The following LY9 variants were observed in gnomAD, a reference collection of about 807,000 sequenced individuals.
The protein encoded by LY9 is lymphocyte antigen 9.
In LY9, 59 loss-of-function variants were observed where a neutral mutation model predicts 64.6. The ratio of observed to expected loss-of-function variants is 0.91; its 90% CI spans 0.74 to 1.13. The LOEUF is 1.13. Ranked by LOEUF, LY9 falls within the 50% of genes most tolerant of loss-of-function variation. The pLI is 0.00. For missense variants in LY9, 789 were observed against 797.2 expected (o/e 0.99, Z 0.12); for synonymous variants, 281 against 308.5 (o/e 0.91, Z 0.93).
intron 7 of LY9, among the ~76,000 whole-genome samples, chr1:160,823,244 C>A (rs745774055): frequency 2.6e-5 from 4 of 152,144 alleles, no homozygotes; most frequent in Non-Finnish European, 5.9e-5. Context: ...TATCACATGT[C>A]ATATTTAATA....
chr1:160,819,823 AAG>A (rs1668254094), intron 7 of LY9, among the ~76,000 whole-genome samples: 1 of 129,910 alleles, frequency 7.7e-6, no homozygotes, highest in South Asian at 2.8e-4. Context: ...AAGAGAAAGA[AAG>A]AGAGAGAAAG....
chr1:160,817,754 A>G (rs1668070513), intron 5 of LY9, among the ~76,000 whole-genome samples: 1 of 152,202 alleles, frequency 6.6e-6, no homozygotes, highest in Admixed American at 6.5e-5. Context: ...TCGAACCCTG[A>G]GCTCTATCTT....
intron 2 of LY9, among the ~76,000 whole-genome samples, chr1:160,805,400 C>T (rs1666882115): frequency 1.3e-5 from 2 of 151,660 alleles, no homozygotes; most frequent in Admixed American, 6.6e-5. Context: ...GTATTTGTAT[C>T]ATTTCCAAAG....
In LY9 at chr1:160,828,079, C is replaced by G; in HGVS notation, c.*263C>G. ...TCACCTCGCACACTTATAGCGTTTC[C>G]TCCTCGAAATTCTACCAAGACTGGT... On this transcript the variant is annotated 3_prime_UTR_variant, in exon 10 of 10. Coordinates refer to ENST00000263285, the MANE Select transcript of LY9 (RefSeq NM_002348.4). 3.9e-6 allele frequency: 1 copy of G among 255,376 alleles called. No homozygotes were observed. The highest frequency in any genetic ancestry group is 7.5e-6 in the Non-Finnish European group (1 of 133,926). 15.8% of individuals were successfully genotyped at this position (255,376 alleles called of 1,614,324 possible). A position where few individuals can be genotyped will look rare whatever the true frequency, so the allele number is the denominator to read the frequency against.
chr1:160,823,860 G>T lies in LY9; in HGVS notation c.1830+64G>T, dbSNP rs1482161631. On this transcript the variant is annotated intron_variant, in intron 8 of 9. Transcript: ENST00000263285. ...ATGTCTAGCGGCATCTGAGATCCTGGATGACTAGTTCCTCCAAACTGGGGG... is the reference window on the plus strand; with the variant it reads ...ATGTCTAGCGGCATCTGAGATCCTGTATGACTAGTTCCTCCAAACTGGGGG... 9 of 1,332,206 alleles carry T rather than the reference G, an allele frequency of 6.8e-6. No homozygotes were observed. The South Asian group carries it at 9.0e-5, about 13-fold the overall frequency. The allele number at this position is 1,332,206 out of a possible 1,614,324, so 82.5% of individuals were successfully genotyped here. A position where few individuals can be genotyped will look rare whatever the true frequency, so the allele number is the denominator to read the frequency against.
At chr1:160,802,690 CT>C in intron 2 of LY9, 1 of 971,570 alleles carries the variant, frequency 1.0e-6, no homozygotes, top group Non-Finnish European at 1.2e-6. Flanking sequence ...CACATGGTCT[CT>C]AAAAAAATAA....
intron 2 of LY9, among the ~76,000 whole-genome samples, chr1:160,801,046 A>C (rs1173520846): frequency 1.3e-5 from 2 of 152,216 alleles, no homozygotes. Flanking sequence ...TTCCTTGCAT[A>C]TATCAATTTC....
At chr1:160,801,791 A>G in intron 2 of LY9, 1 of 1,611,050 alleles carries the variant, frequency 6.2e-7, no homozygotes, top group Non-Finnish European at 8.5e-7. Flanking sequence ...TTTTCCCAGC[A>G]CCATTTATTG....
intron 5 of LY9, 121 bp downstream of exon 5, chr1:160,816,984 A>T (rs1417789555): frequency 2.3e-6 from 2 of 885,778 alleles, no homozygotes; most frequent in African/African-American, 3.3e-5. Flanking sequence ...TTAGAGTGGC[A>T]TGCTTCCACA....
chr1:160,804,680 A>G (rs1666811665), intron 2 of LY9, among the ~76,000 whole-genome samples: 1 of 152,080 alleles, frequency 6.6e-6, no homozygotes, highest in Non-Finnish European at 1.5e-5. Context: ...TATTATTTGT[A>G]TATTTGGTAG....
intron 7 of LY9, 71 bp from the exon 8 acceptor site, chr1:160,823,394 G>A: frequency 2.5e-6 from 3 of 1,193,030 alleles, no homozygotes; most frequent in South Asian, 1.4e-5. Context: ...GAGCAGGCTG[G>A]GGCCTTGCAG....
In LY9 at chr1:160,799,761, G is replaced by A; in HGVS notation, c.133G>A (p.Ala45Thr). 6.2e-7 allele frequency: 1 copy of A among 1,611,376 alleles called. No individual in the cohort carries two copies. Among genetic ancestry groups the A allele is most frequent in the Middle Eastern group, 1.7e-4 (1 of 6,056 alleles). ...CTCTTCTATCTCTGCAGGACTAAGA[G>A]CCTCTGGAAAGGACTCAGCCCCAAC... ...SLLFLLMGLR[A>T]SGKDSAPTVV... The change falls in exon 2 of 10, where the codon GCC becomes ACC. Residue 45 changes from alanine (A) to threonine (T), a missense_variant. Transcript: ENST00000263285.
At position 160,800,550 on chromosome 1, in the gene LY9, T is replaced by A. The variant is rs548652013; in HGVS notation, c.454+468T>A. On this transcript the variant is annotated intron_variant, in intron 2 of 9. Transcript: ENST00000263285. The stretch of plus-strand genomic sequence containing the variant: ...GATTTCATTCTTTTTTATGGATTTT[T>A]AAATTGTTTAAATATATTTAGGGGG... Among the ~76,000 whole-genome samples the A allele has an allele frequency of 5.9e-5, 9 of 152,294 alleles. No homozygotes were observed. In the South Asian group the frequency reaches 1.9e-3, roughly 32 times the overall value.
At chr1:160,822,143 T>G (rs1668513218) in intron 7 of LY9, among the ~76,000 whole-genome samples, 1 of 152,008 alleles carries the variant, frequency 6.6e-6, no homozygotes, top group Admixed American at 6.6e-5. Flanking sequence ...GCCGGGAAAG[T>G]TTAGGACACA....
rs529709326 is a variant in LY9 at position 160,825,462 on chromosome 1, G to A, written c.1899+1213G>A. 6.6e-5 allele frequency among the ~76,000 whole-genome samples: 10 copies of A among 152,150 alleles called. No individual in the cohort carries two copies. In the South Asian group the frequency reaches 8.3e-4, roughly 13 times the overall value. The stretch of plus-strand genomic sequence containing the variant: ...GTTCCAGTATTAAGAACCATGAGGC[G>A]TTTTAAGATCATCCTGAGTAATCTT... On this transcript the variant is annotated intron_variant, in intron 9 of 9. Coordinates refer to ENST00000263285, the MANE Select transcript of LY9 (RefSeq NM_002348.4).
chr1:160,823,301 G>A (rs1402595508), intron 7 of LY9, among the ~76,000 whole-genome samples, 164 bp from the exon 8 acceptor site: 1 of 152,192 alleles, frequency 6.6e-6, no homozygotes, highest in Non-Finnish European at 1.5e-5. Flanking sequence ...AAGGAGGAAG[G>A]GAGAGTGGAA....
intron 5 of LY9, 121 bp from the exon 6 acceptor site, chr1:160,818,097 G>C (rs1668097843): frequency 1.5e-6 from 1 of 680,868 alleles, no homozygotes; most frequent in Non-Finnish European, 2.6e-6. Flanking sequence ...TGAAAAGAAA[G>C]ACTTTCCACA....
At chr1:160,809,466 A>C (rs1369482744) in intron 2 of LY9, among the ~76,000 whole-genome samples, 1 of 151,968 alleles carries the variant, frequency 6.6e-6, no homozygotes, top group Admixed American at 6.6e-5. Context: ...CAACCTCCCA[A>C]GTAGCTGGGA....
rs138496711 is a variant in LY9 at position 160,806,745 on chromosome 1, C to T, written c.454+6663C>T. ...ATTTTCCTGGGAATTGCTGAGCCTC[C>T]TGTATCTGGATGTCTAAGAGTCTTG... On this transcript the variant is annotated intron_variant, in intron 2 of 9. Coordinates refer to ENST00000263285, the MANE Select transcript of LY9 (RefSeq NM_002348.4). Among the ~76,000 whole-genome samples, 634 of 152,254 alleles carry T rather than the reference C, an allele frequency of 4.2e-3. 9 individuals carry two copies. In the South Asian group the frequency reaches 0.044, roughly 11 times the overall value.
Sources: gnomAD v4.1 joint callset for allele counts (sites outside exome capture counted in the v4.1 genomes callset) on GRCh38, gnomAD v4.1.1 for gene constraint, MANE v1.5 for transcripts, NCBI Gene and HGNC (gene_info 2026-07-23, HGNC 2026-07-21) for gene names.